PRDM10: variants seen among roughly 807,000 people sequenced by gnomAD.
PRDM10 encodes PR/SET domain 10, also known as PR domain zinc finger protein 10.
In PRDM10, 65 loss-of-function variants were observed where a neutral mutation model predicts 133.1. The ratio of observed to expected loss-of-function variants is 0.49; its 90% CI spans 0.40 to 0.60. The LOEUF (loss-of-function observed/expected upper bound fraction) is 0.60, where lower values mean the gene tolerates loss of function less well. PRDM10 is among the 20% of genes least tolerant of loss of function. The pLI, the probability that PRDM10 is intolerant of heterozygous loss-of-function variation, is 0.00. For missense variants in PRDM10, 1,137 were observed against 1,507.1 expected (o/e 0.75, Z 4.07); for synonymous variants, 582 against 580.4 (o/e 1.00, Z -0.04).
chr11:130,002,645 A>C (rs1939494039), intron 1 of PRDM10, 77 bp downstream of exon 1: 1 of 153,196 alleles, frequency 6.5e-6, no homozygotes, highest in Non-Finnish European at 1.5e-5. Flanking sequence ...GACTAAGCAA[A>C]GACGAAACAC....
intron 19 of PRDM10, among the ~76,000 whole-genome samples, chr11:129,909,803 G>A (rs1171335748): frequency 6.6e-6 from 1 of 152,146 alleles, no homozygotes; most frequent in East Asian, 1.9e-4. Context: ...GAATCTCAGG[G>A]CTTTGGAATC....
chr11:129,946,812 C>T (rs899141260), intron 5 of PRDM10, among the ~76,000 whole-genome samples: 20 of 152,166 alleles, frequency 1.3e-4, no homozygotes, highest in Admixed American at 3.3e-4. Flanking sequence ...AGCGCAGGAT[C>T]GGGCAAATCT....
intron 12 of PRDM10, among the ~76,000 whole-genome samples, chr11:129,924,200 G>A (rs1235286763): frequency 2.0e-5 from 3 of 152,324 alleles, no homozygotes; most frequent in African/African-American, 4.8e-5. Context: ...TGTGTGAAGT[G>A]AGAAAATTTC....
At chr11:129,938,116 T>C (rs560111522) in intron 7 of PRDM10, among the ~76,000 whole-genome samples, 57 of 152,112 alleles carry the variant, frequency 3.7e-4, no homozygotes, top group African/African-American at 1.3e-3. Flanking sequence ...CTCACTCTGT[T>C]GGCCTCTTTT....
rs1241750630 is a variant in PRDM10 at position 129,900,928 on chromosome 11, C to T, written c.*1385G>A. On this transcript the variant is annotated 3_prime_UTR_variant, in exon 21 of 21. Transcript: ENST00000360871. ...AATTGTCTTTATCATAAAGAAGCTA[C>T]TCTACTTAATTTATAGAACCAGTTT... 6.6e-6 allele frequency: 1 copy of T among 152,612 alleles called. No homozygotes were observed. The highest frequency in any genetic ancestry group is 1.5e-5 in the Non-Finnish European group (1 of 68,026). The allele number at this position is 152,612 out of a possible 1,614,324, so 9.5% of individuals were successfully genotyped here.
intron 9 of PRDM10, among the ~76,000 whole-genome samples, chr11:129,934,204 G>C (rs1382897384): frequency 6.6e-6 from 1 of 152,216 alleles, no homozygotes; most frequent in African/African-American, 2.4e-5. Flanking sequence ...CCCTGCAGCT[G>C]AATGAAGCTG....
intron 15 of PRDM10, among the ~76,000 whole-genome samples, chr11:129,916,880 G>C (rs1950374915): frequency 6.6e-6 from 1 of 152,066 alleles, no homozygotes; most frequent in Non-Finnish European, 1.5e-5. Context: ...ACCTCTTCTT[G>C]TGTAACAAAA....
At chr11:129,970,320 A>G (rs1246947056) in intron 1 of PRDM10, among the ~76,000 whole-genome samples, 1 of 152,214 alleles carries the variant, frequency 6.6e-6, no homozygotes, top group African/African-American at 2.4e-5. Flanking sequence ...TCTCTACTTT[A>G]CAAGTGATGG....
At chr11:129,917,349 C>T (rs1172177538) in intron 14 of PRDM10, 112 bp from the exon 15 acceptor site, 11 of 769,756 alleles carry the variant, frequency 1.4e-5, no homozygotes, top group Non-Finnish European at 1.7e-5. Flanking sequence ...TGAAGCAATG[C>T]CCCCAAATAA....
intron 3 of PRDM10, among the ~76,000 whole-genome samples, chr11:129,956,283 T>C (rs930757744): frequency 6.6e-6 from 1 of 152,194 alleles, no homozygotes; most frequent in African/African-American, 2.4e-5. Flanking sequence ...TTTTTAAAAA[T>C]CTGGCTGGGC....
chr11:129,924,272 T>C (rs1207355125), intron 12 of PRDM10, among the ~76,000 whole-genome samples: 1 of 152,196 alleles, frequency 6.6e-6, no homozygotes, highest in Non-Finnish European at 1.5e-5. Flanking sequence ...CTTTGGTAAT[T>C]GAAAAAGTGT....
intron 19 of PRDM10, among the ~76,000 whole-genome samples, chr11:129,908,476 G>C (rs539630628): frequency 2.2e-4 from 33 of 152,216 alleles, no homozygotes; most frequent in African/African-American, 7.7e-4. Context: ...TGTCTCAAAT[G>C]TTCTTTTTCT....
intron 1 of PRDM10, among the ~76,000 whole-genome samples, chr11:129,974,112 G>A (rs1405781493): frequency 6.6e-6 from 1 of 152,232 alleles, no homozygotes; most frequent in Non-Finnish European, 1.5e-5. Context: ...TCTATCACCT[G>A]TAATATGGAG....
At chr11:129,930,994 G>A (rs757547441) in intron 11 of PRDM10, 22 bp downstream of exon 11, 6 of 1,578,914 alleles carry the variant, frequency 3.8e-6, no homozygotes, top group South Asian at 1.2e-5. Flanking sequence ...GGTGCCAGGA[G>A]CCGCCGGCTT....
At chr11:129,988,112 A>T (rs1337174993) in intron 1 of PRDM10, among the ~76,000 whole-genome samples, 3 of 152,256 alleles carry the variant, frequency 2.0e-5, no homozygotes, top group Non-Finnish European at 2.9e-5. Context: ...ACATTGAACA[A>T]TTCCATTTAT....
intron 20 of PRDM10, 37 bp from the exon 21 acceptor site, chr11:129,902,553 G>A (rs751743976): frequency 7.5e-6 from 12 of 1,594,312 alleles, no homozygotes; most frequent in Non-Finnish European, 1.0e-5. Context: ...AAAACTTGGG[G>A]CCTTAAAGGG....
intron 19 of PRDM10, among the ~76,000 whole-genome samples, chr11:129,909,401 G>A (rs1442869542): frequency 6.6e-6 from 1 of 151,354 alleles, no homozygotes; most frequent in African/African-American, 2.4e-5. Flanking sequence ...AGTGAGCCGC[G>A]ATTGTGCCAC....
intron 1 of PRDM10, among the ~76,000 whole-genome samples, chr11:129,991,870 C>A (rs1050050963): frequency 6.7e-6 from 1 of 148,676 alleles, no homozygotes; most frequent in Non-Finnish European, 1.5e-5. Context: ...GTAATCCCAG[C>A]TACTCGGGGA....
chr11:129,913,358 AAG>A (rs1199001437), intron 17 of PRDM10, among the ~76,000 whole-genome samples: 1 of 152,216 alleles, frequency 6.6e-6, no homozygotes, highest in Non-Finnish European at 1.5e-5. Context: ...AGGATAAAAA[AAG>A]AGCGTTTAGA....
Sources: allele counts gnomAD v4.1 joint callset (sites outside exome capture counted in the v4.1 genomes callset), GRCh38; gene constraint gnomAD v4.1.1; transcripts MANE v1.5; gene names NCBI Gene and HGNC (gene_info 2026-07-23, HGNC 2026-07-21).